The following WASHC5 variants were observed in gnomAD, a reference collection of about 807,000 sequenced individuals.
The protein encoded by WASHC5 is WASH complex subunit strumpellin.
Under a neutral mutation model 150.4 loss-of-function variants are expected in WASHC5, and 101 were observed. That is an observed-to-expected ratio of 0.67 (90% CI 0.57 to 0.79). WASHC5 has a LOEUF of 0.79. WASHC5 is among the 30% of genes least tolerant of loss of function. The pLI is 0.00. For synonymous variants in WASHC5, 467 were observed against 491.2 expected, an observed-to-expected ratio of 0.95 and a Z score of 0.65; for missense variants, 1,195 against 1,396.3, an observed-to-expected ratio of 0.86 and a Z score of 2.30.
At chr8:125,030,863 A>C (rs1815511344) in intron 27 of WASHC5, among the ~76,000 whole-genome samples, 1 of 152,200 alleles carries the variant, frequency 6.6e-6, no homozygotes, top group Non-Finnish European at 1.5e-5. Context: ...TCTAAACTGC[A>C]AGACATCGGG....
chr8:125,078,999 A>T, intron 5 of WASHC5, 69 bp from the exon 6 acceptor site: 1 of 1,312,526 alleles, frequency 7.6e-7, no homozygotes, highest in Non-Finnish European at 1.1e-6. Context: ...AGTCCAATAA[A>T]GTAGAATTCC....
rs1816449197 is a variant in WASHC5 at position 125,057,609 on chromosome 8, G to C, written c.1822C>G (p.Leu608Val). 6.2e-7 allele frequency: 1 copy of C among 1,613,896 alleles called. No individual in the cohort carries two copies. Among genetic ancestry groups the C allele is most frequent in the Non-Finnish European group, 8.5e-7 (1 of 1,179,958 alleles). The stretch of plus-strand genomic sequence containing the variant: ...GAATAGTACTGTGACACGCTGAGCA[G>C]GTCGGGGCTATTTGCCTGATTAATA... ...LRINQANSPD[L>V]LSVSQYYSGE... The change falls in exon 15 of 29, where the codon CTG becomes GTG. Residue 608 changes from leucine (L) to valine (V), a missense_variant. Physicochemically the swap from Leu to Val is conservative, Grantham distance 32. Coordinates refer to ENST00000318410, the MANE Select transcript of WASHC5 (RefSeq NM_014846.4).
Position 125,028,712 on chromosome 8 carries a change from G to T in WASHC5, c.3336-5C>A. The T allele has an allele frequency of 1.2e-6, 2 of 1,606,382 alleles. No individual in the cohort carries two copies. Among genetic ancestry groups the T allele is most frequent in the South Asian group, 1.1e-5 (1 of 90,912 alleles). ...GGAATTTCAGGTATCTTCTGGCTGTGATAGAGAACAGTTTAGATCAATTAA... is the reference window on the plus strand; with the variant it reads ...GGAATTTCAGGTATCTTCTGGCTGTTATAGAGAACAGTTTAGATCAATTAA... On this transcript the variant is annotated splice_polypyrimidine_tract_variant and splice_region_variant and intron_variant, in intron 27 of 28. Coordinates refer to ENST00000318410, the MANE Select transcript of WASHC5 (RefSeq NM_014846.4).
intron 16 of WASHC5, among the ~76,000 whole-genome samples, chr8:125,056,068 G>A (rs1022015383): frequency 6.6e-6 from 1 of 152,144 alleles, no homozygotes; most frequent in Non-Finnish European, 1.5e-5. Flanking sequence ...TAGCTATACT[G>A]TTGAATCAGA....
chr8:125,028,617 T>C lies in WASHC5; in HGVS notation c.3423+3A>G. ...ATATTGTTCTTTACTATCTATCACT[T>C]ACCCTCCTGGGTAGCTTTGTGTACC... is the stretch of plus-strand genomic sequence containing the variant. On this transcript the variant is annotated splice_donor_region_variant and intron_variant, in intron 28 of 28. Coordinates refer to ENST00000318410, the MANE Select transcript of WASHC5 (RefSeq NM_014846.4). The C allele has an allele frequency of 1.9e-6, 3 of 1,595,650 alleles. No individual in the cohort carries two copies. Among genetic ancestry groups the C allele is most frequent in the Non-Finnish European group, 2.6e-6 (3 of 1,163,244 alleles).
At chr8:125,071,722 G>A (rs1816901083) in intron 9 of WASHC5, among the ~76,000 whole-genome samples, 1 of 152,138 alleles carries the variant, frequency 6.6e-6, no homozygotes, top group Non-Finnish European at 1.5e-5. Context: ...CTTGGACCTT[G>A]AATTAGTTTC....
At chr8:125,090,018 C>T (rs533493473) in intron 1 of WASHC5, among the ~76,000 whole-genome samples, 3 of 151,986 alleles carry the variant, frequency 2.0e-5, no homozygotes, top group Non-Finnish European at 4.4e-5. Flanking sequence ...CTGTTTTGCC[C>T]CATGAAGGGC....
chr8:125,040,329 T>C (rs900147194), intron 23 of WASHC5, among the ~76,000 whole-genome samples: 4 of 152,352 alleles, frequency 2.6e-5, no homozygotes, highest in African/African-American at 7.2e-5. Flanking sequence ...CATTTCACAC[T>C]AGTATTCTCA....
At chr8:125,047,385 A>G in intron 19 of WASHC5, 54 bp from the exon 20 acceptor site, 1 of 1,543,116 alleles carries the variant, frequency 6.5e-7, no homozygotes, top group Non-Finnish European at 8.9e-7. Context: ...TAACCTAGTT[A>G]TCCCTTTTCC....
chr8:125,049,036 C>T lies in WASHC5; in HGVS notation c.2349G>A (p.Glu783=), dbSNP rs1816158159. The T allele has an allele frequency of 1.9e-6, 3 of 1,613,344 alleles. No homozygotes were observed. Among genetic ancestry groups the T allele is most frequent in the East Asian group, 2.2e-5 (1 of 44,858 alleles). Residue 783 remains glutamate, a synonymous_variant, in exon 19 of 29, where the codon GAG becomes GAA. Transcript: ENST00000318410. ...EVSRIINYNV[E]QECNNFLRTK... ...TTCTTAGAAAGTTATTACACTCTTG[C>T]TCCACGTTGTAATTTATGATACGAG...
chr8:125,075,710 G>A (rs918702537), intron 7 of WASHC5, among the ~76,000 whole-genome samples: 10 of 152,200 alleles, frequency 6.6e-5, no homozygotes, highest in African/African-American at 1.9e-4. Flanking sequence ...CCCTCATAAC[G>A]ATAGTTTATG....
At chr8:125,064,345 G>C (rs1451829083) in intron 10 of WASHC5, among the ~76,000 whole-genome samples, 1 of 151,580 alleles carries the variant, frequency 6.6e-6, no homozygotes, top group African/African-American at 2.4e-5. Flanking sequence ...TAGGGCTATG[G>C]GCATGCGCCA....
intron 14 of WASHC5, 92 bp from the exon 15 acceptor site, chr8:125,057,758 T>A (rs1816456704): frequency 1.2e-6 from 1 of 838,022 alleles, no homozygotes; most frequent in South Asian, 1.5e-5. Context: ...ACAAAACATT[T>A]GGGTTTTACC....
chr8:125,079,108 G>GTA (rs1321143549), intron 5 of WASHC5, among the ~76,000 whole-genome samples, 178 bp from the exon 6 acceptor site: 9 of 50,352 alleles, frequency 1.8e-4, no homozygotes, highest in Admixed American at 3.2e-4. Flanking sequence ...ATATATGTGT[G>GTA]TGTGTGTGTA....
chr8:125,077,938 A>G (rs979897059), intron 6 of WASHC5, among the ~76,000 whole-genome samples: 2 of 152,144 alleles, frequency 1.3e-5, no homozygotes, highest in Non-Finnish European at 2.9e-5. Flanking sequence ...AAACCCTCTT[A>G]TTTATACTTA....
chr8:125,036,861 A>G (rs182218120), intron 26 of WASHC5, among the ~76,000 whole-genome samples: 1 of 152,114 alleles, frequency 6.6e-6, no homozygotes, highest in East Asian at 1.9e-4. Flanking sequence ...AAATACAAAA[A>G]TATTAGATGG....
intron 21 of WASHC5, 129 bp from the exon 22 acceptor site, chr8:125,044,223 C>G (rs767550249): frequency 1.4e-6 from 1 of 737,828 alleles, no homozygotes; most frequent in Non-Finnish European, 2.4e-6. Flanking sequence ...AACAGGATGA[C>G]AGCAAAAAGA....
At chr8:125,048,278 C>A (rs1033266711) in intron 19 of WASHC5, among the ~76,000 whole-genome samples, 4 of 152,364 alleles carry the variant, frequency 2.6e-5, no homozygotes, top group Non-Finnish European at 4.4e-5. Flanking sequence ...TCAGTTCCCA[C>A]ATGAAAACTT....
chr8:125,068,134 G>A (rs945112540), intron 9 of WASHC5, among the ~76,000 whole-genome samples: 2 of 152,116 alleles, frequency 1.3e-5, no homozygotes, highest in South Asian at 2.1e-4. Context: ...ATTCAGTAAC[G>A]GACTGCTATC....
Sources: gnomAD v4.1 joint callset for allele counts (sites outside exome capture counted in the v4.1 genomes callset) on GRCh38, gnomAD v4.1.1 for gene constraint, MANE v1.5 for transcripts, NCBI Gene and HGNC (gene_info 2026-07-23, HGNC 2026-07-21) for gene names.